PRKD3: variants seen among roughly 807,000 people sequenced by gnomAD.
PRKD3 encodes the protein serine/threonine-protein kinase D3.
A neutral mutation model predicts 99.2 loss-of-function variants in PRKD3; 47 were observed. That is an observed-to-expected ratio of 0.47 (90% CI 0.38 to 0.60). The LOEUF (loss-of-function observed/expected upper bound fraction) is 0.60. Among genes scored for constraint, PRKD3 ranks in the 20% least tolerant of loss-of-function variants. The pLI, the probability that PRKD3 is intolerant of heterozygous loss-of-function variation, is 0.00. For synonymous variants in PRKD3, 392 were observed against 355.4 expected, an observed-to-expected ratio of 1.10 and a Z score of -1.16; for missense variants, 1,019 against 1,088.4, an observed-to-expected ratio of 0.94 and a Z score of 0.90.
Position 37,316,483 on chromosome 2 carries a change from T to A in PRKD3, c.42A>T (p.Val14=). The stretch of plus-strand genomic sequence containing the variant: ...GCACAGCAGGAATAGCTGTGGGTAA[T>A]ACAGACTTCTGGGCTGATGGAGGGG... ...NNSPPSAQKS[V]LPTAIPAVLP... The change falls in exon 2 of 19, where the codon GTA becomes GTT. Residue 14 remains valine, a synonymous_variant. Coordinates refer to ENST00000234179, the MANE Select transcript of PRKD3 (RefSeq NM_005813.6). 6.2e-7 allele frequency: 1 copy of A among 1,614,244 alleles called. No individual in the cohort carries two copies. The highest frequency in any genetic ancestry group is 8.5e-7 in the Non-Finnish European group (1 of 1,180,038).
At chr2:37,292,711 T>C (rs1670493858) in intron 3 of PRKD3, among the ~76,000 whole-genome samples, 1 of 151,914 alleles carries the variant, frequency 6.6e-6, no homozygotes, top group African/African-American at 2.4e-5. Context: ...AGTAGTGTGA[T>C]CATGGCCCAC....
intron 2 of PRKD3, among the ~76,000 whole-genome samples, chr2:37,304,917 C>T (rs535702556): frequency 1.3e-5 from 2 of 151,972 alleles, no homozygotes; most frequent in African/African-American, 2.4e-5. Context: ...GATCTAGGAT[C>T]TTCTATTCTA....
chr2:37,260,150 TAAG>T (rs1175654341), intron 15 of PRKD3, 70 bp downstream of exon 15: 10 of 1,363,006 alleles, frequency 7.3e-6, no homozygotes, highest in Non-Finnish European at 1.0e-5. Context: ...GGTGACAGAG[TAAG>T]ACTCTTGTCT....
At chr2:37,257,666 CAAAAGAAAAAA>C (rs749076801) in intron 16 of PRKD3, among the ~76,000 whole-genome samples, 4,574 of 62,326 alleles carry the variant, frequency 0.073, 117 homozygotes, top group Admixed American at 0.14. Context: ...GACTCTGTCT[CAAAAGAAAAAA>C]AAAAAAAAAA....
intron 2 of PRKD3, among the ~76,000 whole-genome samples, chr2:37,302,857 A>G (rs1176626581): frequency 6.6e-6 from 1 of 152,146 alleles, no homozygotes; most frequent in Non-Finnish European, 1.5e-5. Flanking sequence ...TACTAGGCAG[A>G]CAGGGGTGGG....
chr2:37,286,305 T>C lies in PRKD3; in HGVS notation c.782A>G (p.Glu261Gly). ...TTTCACTCTGCACATTACCATCTTT[T>C]CCATCCAGATTGGGCGACCACTCCA... ...PSWSGRPIWM[E>G]KMVMCRVKVP... Residue 261 changes from glutamate (E) to glycine (G), a missense_variant, in exon 6 of 19, where the codon GAA becomes GGA. Glu to Gly is a moderately conservative substitution (Grantham distance 98). Around this residue, in one of 3 missense-constraint regions of PRKD3, gnomAD observed 710 missense variants for 692.7 expected, o/e 1.02. Coordinates refer to ENST00000234179, the MANE Select transcript of PRKD3 (RefSeq NM_005813.6). 1.2e-6 allele frequency: 2 copies of C among 1,614,126 alleles called. No individual in the cohort carries two copies. Among genetic ancestry groups the C allele is most frequent in the Non-Finnish European group, 1.7e-6 (2 of 1,179,998 alleles).
At chr2:37,265,326 T>G (rs1042831546) in intron 14 of PRKD3, among the ~76,000 whole-genome samples, 12 of 152,346 alleles carry the variant, frequency 7.9e-5, no homozygotes, top group African/African-American at 2.9e-4. Flanking sequence ...CTAAATCTTA[T>G]GAAACTAATT....
At chr2:37,264,745 GGA>G (rs1491344695) in intron 14 of PRKD3, among the ~76,000 whole-genome samples, 2 of 151,292 alleles carry the variant, frequency 1.3e-5, no homozygotes, top group Admixed American at 6.6e-5. Flanking sequence ...TTTTTGGGGG[GGA>G]AAAAAAAAGA....
At chr2:37,277,797 T>A in intron 9 of PRKD3, 69 bp downstream of exon 9, 1 of 1,511,570 alleles carries the variant, frequency 6.6e-7, no homozygotes, top group East Asian at 2.3e-5. Flanking sequence ...CATTTTGATT[T>A]AAAAAATGCA....
At position 37,316,292 on chromosome 2, in the gene PRKD3, T is replaced by C; in HGVS notation, c.233A>G (p.Gln78Arg). The change falls in exon 2 of 19, where the codon CAG (glutamine) becomes CGG (arginine). Residue 78 changes from glutamine (Q) to arginine (R), a missense_variant. This residue lies in a region of PRKD3 where 710 missense variants were observed against 692.7 expected (regional missense o/e 1.02). Coordinates refer to ENST00000234179, the MANE Select transcript of PRKD3 (RefSeq NM_005813.6). Reference sequence around the variant, plus strand: ...CTTGACAGCAGATAAAGACAGTTCCTGGGCTTCAATGGTAACACTCTCCCG... The same window carrying C: ...CTTGACAGCAGATAAAGACAGTTCCCGGGCTTCAATGGTAACACTCTCCCG... ...LTRESVTIEA[Q>R]ELSLSAVKDL... The C allele has an allele frequency of 6.2e-7, 1 of 1,614,264 alleles. No homozygotes were observed. The highest frequency in any genetic ancestry group is 8.5e-7 in the Non-Finnish European group (1 of 1,180,052).
chr2:37,300,802 A>C (rs1456666617), intron 2 of PRKD3, among the ~76,000 whole-genome samples: 1 of 152,216 alleles, frequency 6.6e-6, no homozygotes, highest in Non-Finnish European at 1.5e-5. Context: ...TTGAGTCTGA[A>C]TATGAGATAA....
At chr2:37,282,453 C>A in intron 7 of PRKD3, 89 bp downstream of exon 7, 1 of 849,630 alleles carries the variant, frequency 1.2e-6, no homozygotes, top group South Asian at 1.6e-5. Context: ...CAAAATAAAT[C>A]AGGAAAACAG....
chr2:37,278,928 C>G (rs1166950701), intron 8 of PRKD3: 2 of 105,610 alleles, frequency 1.9e-5, no homozygotes, highest in Non-Finnish European at 3.7e-5. Context: ...GGGCGAGACT[C>G]TGTCTCAAAA....
At chr2:37,269,851 A>G (rs1157832549) in intron 12 of PRKD3, among the ~76,000 whole-genome samples, 164 bp from the exon 13 acceptor site, 3 of 152,218 alleles carry the variant, frequency 2.0e-5, no homozygotes, top group South Asian at 2.1e-4. Context: ...CTATGTTCTA[A>G]TAAGAGGTTA....
chr2:37,322,273 C>T (rs553840665), intron 1 of PRKD3, among the ~76,000 whole-genome samples: 1 of 152,270 alleles, frequency 6.6e-6, no homozygotes, highest in South Asian at 2.1e-4. Context: ...CAAGTGTCTA[C>T]GTCGTTGGTT....
chr2:37,258,942 G>A (rs1416986810), intron 16 of PRKD3, among the ~76,000 whole-genome samples: 2 of 152,190 alleles, frequency 1.3e-5, no homozygotes, highest in Admixed American at 1.3e-4. Context: ...GAAAATGGCT[G>A]CAGGGTACCA....
intron 10 of PRKD3, among the ~76,000 whole-genome samples, 174 bp downstream of exon 10, chr2:37,275,593 G>C (rs1314744661): frequency 6.6e-6 from 1 of 152,124 alleles, no homozygotes; most frequent in Non-Finnish European, 1.5e-5. Context: ...AGCTGCTGTG[G>C]GGGAGTGAAA....
chr2:37,293,050 T>A, intron 3 of PRKD3, 83 bp downstream of exon 3: 3 of 1,319,730 alleles, frequency 2.3e-6, no homozygotes, highest in Non-Finnish European at 3.1e-6. Flanking sequence ...AAAGACTAAA[T>A]ATAATCGAAT....
At chr2:37,287,682 G>A (rs562485376) in intron 5 of PRKD3, among the ~76,000 whole-genome samples, 2 of 152,264 alleles carry the variant, frequency 1.3e-5, no homozygotes, top group African/African-American at 2.4e-5. Context: ...GTATATAACA[G>A]GGCCTGGCAT....
Sources: gnomAD v4.1 joint callset for allele counts (sites outside exome capture counted in the v4.1 genomes callset) on GRCh38, gnomAD v4.1.1 for gene constraint, gnomAD v4.1.1 regional missense constraint, MANE v1.5 for transcripts, NCBI Gene and HGNC (gene_info 2026-07-23, HGNC 2026-07-21) for gene names.